PAK1: variants seen among roughly 807,000 people sequenced by gnomAD.
The protein encoded by PAK1 is p21 (RAC1) activated kinase 1, also known as serine/threonine-protein kinase PAK 1.
A neutral mutation model predicts 67.4 loss-of-function variants in PAK1; 29 were observed. The ratio of observed to expected loss-of-function variants is 0.43; its 90% confidence interval spans 0.32 to 0.59. The LOEUF (loss-of-function observed/expected upper bound fraction) is 0.59. Among genes scored for constraint, PAK1 ranks in the 20% least tolerant of loss-of-function variants. PAK1 has a pLI of 0.07. For missense variants in PAK1, 337 were observed against 670.7 expected, an observed-to-expected ratio of 0.50 and a Z score of 5.50; for synonymous variants, 223 against 237.4, an observed-to-expected ratio of 0.94 and a Z score of 0.56.
At chr11:77,460,766 A>C (rs145923140) in intron 1 of PAK1, among the ~76,000 whole-genome samples, 1,974 of 152,286 alleles carry the variant, frequency 0.013, 29 homozygotes, top group Non-Finnish European at 0.021. Flanking sequence ...TTGTAAAAGA[A>C]GGGGCAAAGG....
intron 13 of PAK1, among the ~76,000 whole-genome samples, chr11:77,333,194 C>CTTTTTTTTTTTTTT (rs886805892): frequency 1.6e-5 from 2 of 127,154 alleles, no homozygotes; most frequent in Non-Finnish European, 3.4e-5. Flanking sequence ...TCTTCTTCTT[C>CTTTTTTTTTTTTTT]TTTTTTTTTT....
the PAK1 span, among the ~76,000 whole-genome samples, chr11:77,521,606 G>A: frequency 1.3e-5 from 2 of 152,076 alleles, no homozygotes; most frequent in Non-Finnish European, 2.9e-5. Flanking sequence ...GTGCAGCTGT[G>A]GAATTGAGTC....
chr11:77,467,709 C>T (rs1315392554), intron 1 of PAK1, among the ~76,000 whole-genome samples: 2 of 152,222 alleles, frequency 1.3e-5, no homozygotes, highest in Admixed American at 6.5e-5. Flanking sequence ...ACTACTCTAC[C>T]TAACATCTAT....
chr11:77,520,093 C>G, the PAK1 span, among the ~76,000 whole-genome samples: 1 of 151,334 alleles, frequency 6.6e-6, no homozygotes, highest in Admixed American at 6.6e-5. Flanking sequence ...CTCATCTGAA[C>G]AAAAGCATCT....
At chr11:77,420,509 T>C (rs559722143) in intron 1 of PAK1, among the ~76,000 whole-genome samples, 3 of 152,326 alleles carry the variant, frequency 2.0e-5, no homozygotes, top group Non-Finnish European at 2.9e-5. Flanking sequence ...CCTCAATAAA[T>C]GGCAATTCTA....
the PAK1 span, among the ~76,000 whole-genome samples, chr11:77,515,902 C>T: frequency 6.6e-6 from 1 of 152,132 alleles, no homozygotes; most frequent in Non-Finnish European, 1.5e-5. Flanking sequence ...AAGTTGACTT[C>T]ATTTCTCGGT....
At chr11:77,440,300 G>A (rs758066216) in intron 1 of PAK1, among the ~76,000 whole-genome samples, 6 of 152,068 alleles carry the variant, frequency 3.9e-5, no homozygotes, top group Non-Finnish European at 5.9e-5. Context: ...CTGAGGAGGC[G>A]GAAGCAGGAG....
intron 14 of PAK1, among the ~76,000 whole-genome samples, chr11:77,330,587 G>C (rs918793536): frequency 3.1e-4 from 47 of 152,192 alleles, no homozygotes; most frequent in Non-Finnish European, 5.7e-4. Flanking sequence ...GCCATATGTA[G>C]AAAGCTGAAA....
intron 1 of PAK1, among the ~76,000 whole-genome samples, chr11:77,407,633 A>T (rs1022998060): frequency 2.0e-5 from 3 of 152,170 alleles, no homozygotes; most frequent in African/African-American, 7.2e-5. Context: ...CAACCCTATG[A>T]GGTGTTAAAT....
chr11:77,326,525 A>G (rs1456930261), intron 14 of PAK1, among the ~76,000 whole-genome samples: 5 of 152,172 alleles, frequency 3.3e-5, no homozygotes, highest in African/African-American at 4.8e-5. Flanking sequence ...TCTTTACAAA[A>G]AATAGAAAAA....
the PAK1 span, among the ~76,000 whole-genome samples, chr11:77,489,267 G>C: frequency 1.3e-5 from 2 of 152,106 alleles, no homozygotes; most frequent in Non-Finnish European, 2.9e-5. Flanking sequence ...AAAAGCTGAG[G>C]GATTTCATCA....
chr11:77,363,230 G>A (rs1057478578), intron 5 of PAK1, among the ~76,000 whole-genome samples: 2 of 152,098 alleles, frequency 1.3e-5, no homozygotes, highest in Non-Finnish European at 2.9e-5. Flanking sequence ...TGGGCAGCTC[G>A]GAATGATATA....
intron 1 of PAK1, among the ~76,000 whole-genome samples, chr11:77,460,090 C>T (rs1957265477): frequency 6.9e-6 from 1 of 144,770 alleles, no homozygotes; most frequent in South Asian, 2.2e-4. Flanking sequence ...TTGCGAACAG[C>T]AAACCAGGGG....
At chr11:77,370,014 G>T (rs1948210162) in intron 5 of PAK1, among the ~76,000 whole-genome samples, 1 of 152,178 alleles carries the variant, frequency 6.6e-6, no homozygotes, top group Non-Finnish European at 1.5e-5. Flanking sequence ...ATAGATTAGT[G>T]TATGTAATTA....
chr11:77,468,011 T>C (rs1373641919), intron 1 of PAK1, among the ~76,000 whole-genome samples: 1 of 152,096 alleles, frequency 6.6e-6, no homozygotes, highest in Admixed American at 6.5e-5. Context: ...CAGATGAGGG[T>C]GGAAGCCATG....
chr11:77,328,417 G>C (rs1393478534), intron 14 of PAK1, among the ~76,000 whole-genome samples: 1 of 152,130 alleles, frequency 6.6e-6, no homozygotes, highest in Non-Finnish European at 1.5e-5. Flanking sequence ...TAAAAGAACA[G>C]AAATTATAAC....
In PAK1 at chr11:77,449,691, TA is replaced by T. The variant is rs35907304; in HGVS notation, c.-22+23860del. Among the ~76,000 whole-genome samples the T allele has an allele frequency of 4.7e-3, 531 of 113,938 alleles. 4 individuals are homozygous for T. Among genetic ancestry groups the T allele is most frequent in the African/African-American group, 0.014 (404 of 28,540 alleles). The allele number at this position is 113,938 out of a possible 152,430, so 74.7% of individuals were successfully genotyped here. On this transcript the variant is annotated intron_variant, in intron 1 of 14. Coordinates refer to ENST00000356341, the MANE Select transcript of PAK1 (RefSeq NM_002576.5). ...ATGCTTTCCTTTTCAATCCTATAGGTAAAAAAAAAAAAAAAAAAAAAATCAC... is the reference window on the plus strand; with the variant it reads ...ATGCTTTCCTTTTCAATCCTATAGGTAAAAAAAAAAAAAAAAAAAAATCAC...
chr11:77,391,004 A>G (rs967152341), intron 2 of PAK1, among the ~76,000 whole-genome samples: 5 of 152,174 alleles, frequency 3.3e-5, no homozygotes, highest in Non-Finnish European at 5.9e-5. Flanking sequence ...GTCCAAAATA[A>G]TCATCTTCCC....
chr11:77,487,960 T>A, the PAK1 span, among the ~76,000 whole-genome samples: 1 of 152,334 alleles, frequency 6.6e-6, no homozygotes, highest in East Asian at 1.9e-4. Context: ...ACTGTGGCTC[T>A]TGGGCAAGAC....
Sources: allele counts gnomAD v4.1 joint callset (sites outside exome capture counted in the v4.1 genomes callset), GRCh38; gene constraint gnomAD v4.1.1; transcripts MANE v1.5; gene names NCBI Gene and HGNC (gene_info 2026-07-23, HGNC 2026-07-21).